The following ALPK1 variants were observed in gnomAD, a reference collection of about 807,000 sequenced individuals.
The protein encoded by ALPK1 is alpha kinase 1.
ALPK1 carries 110 observed loss-of-function variants against 120.6 expected under a neutral mutation model. The ratio of observed to expected loss-of-function variants is 0.91; its 90% CI spans 0.78 to 1.07. ALPK1 has a LOEUF of 1.07. Among genes scored for constraint, ALPK1 ranks in the 50% least tolerant of loss-of-function variants. ALPK1 has a pLI of 0.00. For synonymous variants in ALPK1, 582 were observed against 560.3 expected (o/e 1.04, Z -0.55); for missense variants, 1,498 against 1,483.9 (o/e 1.01, Z -0.16).
chr4:112,371,267 A>G (rs1045268311), intron 2 of ALPK1, among the ~76,000 whole-genome samples: 2 of 152,186 alleles, frequency 1.3e-5, no homozygotes, highest in Admixed American at 6.5e-5. Flanking sequence ...CACTACAGCT[A>G]AAACAGAGTG....
At chr4:112,356,916 C>G in intron 2 of ALPK1, 1 of 755,682 alleles carries the variant, frequency 1.3e-6, no homozygotes, top group East Asian at 2.5e-5. Flanking sequence ...GAAGGATTGG[C>G]ATCCTTTGAC....
chr4:112,411,614 T>C (rs1733466767), intron 4 of ALPK1: 3 of 590,016 alleles, frequency 5.1e-6, no homozygotes, highest in African/African-American at 1.9e-5. Flanking sequence ...ATAAATGTAA[T>C]GGGGGAAATT....
chr4:112,313,834 A>G (rs936596765), intron 1 of ALPK1, among the ~76,000 whole-genome samples: 2 of 152,210 alleles, frequency 1.3e-5, no homozygotes, highest in African/African-American at 4.8e-5. Flanking sequence ...GTCTAATTAG[A>G]ATGCGTTTAA....
chr4:112,429,334 G>A, intron 10 of ALPK1, 81 bp downstream of exon 10: 1 of 1,104,286 alleles, frequency 9.1e-7, no homozygotes, highest in Non-Finnish European at 1.3e-6. Context: ...AGAAGGGAAA[G>A]GTTTAACCTT....
chr4:112,316,337 T>C (rs1157718012), intron 2 of ALPK1: 1 of 152,248 alleles, frequency 6.6e-6, no homozygotes. Context: ...GGTTCATCCA[T>C]ATGTCAGAAT....
At chr4:112,429,080 T>A in intron 9 of ALPK1, 69 bp from the exon 10 acceptor site, 5 of 1,373,344 alleles carry the variant, frequency 3.6e-6, no homozygotes, top group Non-Finnish European at 5.2e-6. Context: ...CAAAACCATT[T>A]CATAGCCTGT....
At chr4:112,392,329 G>A (rs35128237) in intron 4 of ALPK1, among the ~76,000 whole-genome samples, 31,256 of 151,944 alleles carry the variant, frequency 0.21, 3,615 homozygotes, top group Middle Eastern at 0.27. Context: ...CAAGACCTTG[G>A]CTTTAACTTC....
chr4:112,340,050 A>C, intron 2 of ALPK1, among the ~76,000 whole-genome samples: 1 of 152,262 alleles, frequency 6.6e-6, no homozygotes, highest in East Asian at 1.9e-4. Flanking sequence ...TGATGAAAAC[A>C]GAAGGATTTC....
intron 1 of ALPK1, among the ~76,000 whole-genome samples, chr4:112,299,743 C>G (rs1029285351): frequency 1.3e-5 from 2 of 152,130 alleles, no homozygotes; most frequent in Non-Finnish European, 2.9e-5. Context: ...AATATTTTAT[C>G]AAACGTTTAT....
intron 4 of ALPK1, among the ~76,000 whole-genome samples, chr4:112,394,976 A>G (rs953193565): frequency 6.6e-6 from 1 of 152,184 alleles, no homozygotes; most frequent in African/African-American, 2.4e-5. Context: ...CAAATCTTAT[A>G]TGTTAGGTAA....
intron 4 of ALPK1, among the ~76,000 whole-genome samples, chr4:112,398,062 AT>A (rs1732741398): frequency 6.6e-6 from 1 of 152,122 alleles, no homozygotes; most frequent in Non-Finnish European, 1.5e-5. Flanking sequence ...CTAGGGAAGG[AT>A]TTTTTGAATA....
rs181396207 is a variant in ALPK1 at position 112,323,822 on chromosome 4, C to T, written c.-101+7970C>T. Among the ~76,000 whole-genome samples, 83 of 152,262 alleles carry T rather than the reference C, an allele frequency of 5.5e-4. No individual in the cohort carries two copies. In the East Asian group the frequency reaches 0.015, roughly 27 times the overall value. On this transcript the variant is annotated intron_variant, in intron 2 of 15. Transcript: ENST00000650871. ...CTGTTATTTCATGGATTTTGGCAGA[C>T]GGCATGAAACTCCTGAGACAGAGAC...
intron 4 of ALPK1, chr4:112,384,915 T>C (rs1732085947): frequency 6.6e-6 from 1 of 152,224 alleles, no homozygotes; most frequent in East Asian, 1.9e-4. Context: ...GATGGTCACT[T>C]TACTTGCTTG....
At chr4:112,375,282 C>T (rs1450753536) in intron 2 of ALPK1, among the ~76,000 whole-genome samples, 1 of 151,500 alleles carries the variant, frequency 6.6e-6, no homozygotes, top group Admixed American at 6.6e-5. Flanking sequence ...TGGGCTCAAG[C>T]AATCCTCCTA....
At chr4:112,440,387 T>C in intron 14 of ALPK1, among the ~76,000 whole-genome samples, 1 of 152,216 alleles carries the variant, frequency 6.6e-6, no homozygotes. Context: ...TCTGGTATTT[T>C]ATTCATCAGA....
At chr4:112,312,902 A>G (rs1728470982) in intron 1 of ALPK1, among the ~76,000 whole-genome samples, 1 of 152,236 alleles carries the variant, frequency 6.6e-6, no homozygotes, top group African/African-American at 2.4e-5. Flanking sequence ...GAGGAAACCA[A>G]GCAGTTCCTT....
chr4:112,383,483 G>C (rs1732015586), intron 4 of ALPK1: 1 of 152,026 alleles, frequency 6.6e-6, no homozygotes, highest in African/African-American at 2.4e-5. Flanking sequence ...ACACACAAGA[G>C]CATCTTTAGA....
At chr4:112,344,372 T>C (rs1008409741) in intron 2 of ALPK1, among the ~76,000 whole-genome samples, 3 of 152,238 alleles carry the variant, frequency 2.0e-5, no homozygotes, top group African/African-American at 7.2e-5. Flanking sequence ...ATAGTGGGAC[T>C]GAACAGTTGA....
At chr4:112,364,236 T>TAATTA (rs1731039158) in intron 2 of ALPK1, among the ~76,000 whole-genome samples, 1 of 151,032 alleles carries the variant, frequency 6.6e-6, no homozygotes, top group African/African-American at 2.4e-5. Context: ...TTAAATTAAA[T>TAATTA]ATATATATTT....
Sources: gnomAD v4.1 joint callset for allele counts (sites outside exome capture counted in the v4.1 genomes callset) on GRCh38, gnomAD v4.1.1 for gene constraint, MANE v1.5 for transcripts, NCBI Gene and HGNC (gene_info 2026-07-23, HGNC 2026-07-21) for gene names.